The following HCRTR2 variants were observed in gnomAD, a reference collection of about 807,000 sequenced individuals.
HCRTR2 encodes the protein hypocretin receptor 2, also known as orexin receptor type 2.
In HCRTR2, 22 loss-of-function variants were observed where a neutral mutation model predicts 49.0. That is an observed-to-expected ratio of 0.45 (90% CI 0.32 to 0.64). The LOEUF (loss-of-function observed/expected upper bound fraction) is 0.64. HCRTR2 is among the 30% of genes least tolerant of loss of function. The pLI is 0.04. For synonymous variants in HCRTR2, 236 were observed against 205.3 expected, an observed-to-expected ratio of 1.15 and a Z score of -1.28; for missense variants, 491 against 559.4, an observed-to-expected ratio of 0.88 and a Z score of 1.23.
intron 1 of HCRTR2, among the ~76,000 whole-genome samples, chr6:55,175,620 T>A (rs1040949922): frequency 1.3e-5 from 2 of 152,130 alleles, no homozygotes; most frequent in Middle Eastern, 3.2e-3. Flanking sequence ...CTAAGCTTAA[T>A]GCTAGGCTAT....
chr6:55,119,622 G>GTTT (rs149004546), intron 1 of HCRTR2, among the ~76,000 whole-genome samples: 2 of 140,232 alleles, frequency 1.4e-5, no homozygotes, highest in Non-Finnish European at 3.1e-5. Context: ...CATTTTTGAT[G>GTTT]TTTTTTTTTT....
intron 1 of HCRTR2, among the ~76,000 whole-genome samples, chr6:55,213,324 T>C (rs1040803347): frequency 2.0e-5 from 3 of 152,170 alleles, no homozygotes; most frequent in Admixed American, 2.0e-4. Context: ...ATTATCAACA[T>C]ATAAAACAAA....
At chr6:55,204,717 G>A (rs912625789) in intron 1 of HCRTR2, among the ~76,000 whole-genome samples, 1 of 152,114 alleles carries the variant, frequency 6.6e-6, no homozygotes, top group African/African-American at 2.4e-5. Context: ...TAAGCAAGTG[G>A]AAACTTAGAT....
At chr6:55,220,679 A>T (rs748352854) in intron 1 of HCRTR2, among the ~76,000 whole-genome samples, 1 of 152,152 alleles carries the variant, frequency 6.6e-6, no homozygotes, top group Non-Finnish European at 1.5e-5. Flanking sequence ...GCCATTTCTC[A>T]TCAACGTATT....
rs548118284 is a variant in HCRTR2, at chr6:55,262,726, A to T, written c.647-981A>T. On this transcript the variant is annotated intron_variant, in intron 3 of 6. Coordinates refer to ENST00000370862, the MANE Select transcript of HCRTR2 (RefSeq NM_001384272.1). ...AATTTATTTATGTATTTATGTACATATATAAGGTAGGGAATATATATATAT... is the reference window on the plus strand; with the variant it reads ...AATTTATTTATGTATTTATGTACATTTATAAGGTAGGGAATATATATATAT... 7.4e-5 allele frequency among the ~76,000 whole-genome samples: 10 copies of T among 134,578 alleles called. No individual in the cohort carries two copies. The South Asian group carries it at 2.2e-3, about 30-fold the overall frequency. 88.3% of individuals were successfully genotyped at this position (134,578 alleles called of 152,430 possible). A position where few individuals can be genotyped will look rare whatever the true frequency, so the allele number is the denominator to read the frequency against.
chr6:55,252,851 A>G (rs1420905355), intron 2 of HCRTR2, among the ~76,000 whole-genome samples: 2 of 152,122 alleles, frequency 1.3e-5, no homozygotes, highest in African/African-American at 2.4e-5. Context: ...AGAATGAAAG[A>G]TAAAACTAAT....
intron 1 of HCRTR2, among the ~76,000 whole-genome samples, chr6:55,166,162 C>G (rs973247626): frequency 9.9e-5 from 15 of 152,146 alleles, no homozygotes; most frequent in Admixed American, 3.3e-4. Flanking sequence ...TCCTTCCACC[C>G]CTGGGATAAA....
At chr6:55,202,497 A>G (rs911961396) in intron 1 of HCRTR2, among the ~76,000 whole-genome samples, 3 of 152,200 alleles carry the variant, frequency 2.0e-5, no homozygotes, top group Non-Finnish European at 4.4e-5. Flanking sequence ...TAGGTGGCTG[A>G]TGAACAACAG....
At chr6:55,158,481 C>A (rs1266155264) in intron 1 of HCRTR2, among the ~76,000 whole-genome samples, 3 of 152,136 alleles carry the variant, frequency 2.0e-5, no homozygotes, top group African/African-American at 7.2e-5. Context: ...GGAAAGGGAG[C>A]TGAAGCCAGG....
chr6:55,227,197 G>T (rs1322316648), intron 1 of HCRTR2, among the ~76,000 whole-genome samples: 1 of 151,964 alleles, frequency 6.6e-6, no homozygotes, highest in Non-Finnish European at 1.5e-5. Flanking sequence ...CCAAAATTAT[G>T]CATTATGTTA....
intron 1 of HCRTR2, among the ~76,000 whole-genome samples, chr6:55,121,038 G>A (rs1238622278): frequency 1.3e-5 from 2 of 151,948 alleles, no homozygotes; most frequent in African/African-American, 4.8e-5. Flanking sequence ...TGATGCGGAT[G>A]GCATTGAATC....
intron 1 of HCRTR2, among the ~76,000 whole-genome samples, chr6:55,140,164 T>A (rs1343128355): frequency 6.6e-6 from 1 of 152,152 alleles, no homozygotes; most frequent in Non-Finnish European, 1.5e-5. Context: ...TCTGACCCTT[T>A]TTTTAGTGAA....
intron 3 of HCRTR2, 56 bp from the exon 4 acceptor site, chr6:55,263,651 T>G: frequency 1.1e-6 from 1 of 905,306 alleles, no homozygotes; most frequent in Non-Finnish European, 1.8e-6. Context: ...CATGTATCTT[T>G]TTTAAAAGTC....
At position 55,277,607 on chromosome 6, in the gene HCRTR2, C is replaced by T; in HGVS notation, c.983+7C>T. On this transcript the variant is annotated splice_region_variant and intron_variant, in intron 5 of 6. Coordinates refer to ENST00000370862, the MANE Select transcript of HCRTR2 (RefSeq NM_001384272.1). ...TCCTCAATGTGCTAAAGAGGTAAAA[C>T]TTATCTGTTATTTGAAAATGAAATA... 6.3e-7 allele frequency: 1 copy of T among 1,581,658 alleles called. No individual in the cohort carries two copies. Among genetic ancestry groups the T allele is most frequent in the Non-Finnish European group, 8.7e-7 (1 of 1,151,070 alleles).
intron 1 of HCRTR2, among the ~76,000 whole-genome samples, chr6:55,127,537 A>G (rs1764298558): frequency 6.6e-6 from 1 of 152,156 alleles, no homozygotes; most frequent in African/African-American, 2.4e-5. Flanking sequence ...AATCTTTCTT[A>G]AAAGCCTCTC....
intron 1 of HCRTR2, among the ~76,000 whole-genome samples, chr6:55,246,351 G>A (rs970051224): frequency 2.0e-5 from 3 of 151,932 alleles, no homozygotes; most frequent in African/African-American, 4.8e-5. Context: ...AAGCAGAAAC[G>A]AAGGGAAAAC....
At chr6:55,222,975 A>G (rs944395873) in intron 1 of HCRTR2, among the ~76,000 whole-genome samples, 2 of 152,232 alleles carry the variant, frequency 1.3e-5, no homozygotes, top group East Asian at 1.9e-4. Context: ...GAATTTGCCA[A>G]ATGGAATTAT....
chr6:55,185,344 C>T (rs1765199207), intron 1 of HCRTR2, among the ~76,000 whole-genome samples: 1 of 152,106 alleles, frequency 6.6e-6, no homozygotes, highest in Non-Finnish European at 1.5e-5. Context: ...GATGGTGACT[C>T]AGAGATTCCT....
chr6:55,138,433 C>T (rs1764460682), intron 1 of HCRTR2, among the ~76,000 whole-genome samples: 1 of 152,180 alleles, frequency 6.6e-6, no homozygotes, highest in South Asian at 2.1e-4. Flanking sequence ...AATGAAGACA[C>T]TATTAGTTCC....
Sources: gnomAD v4.1 joint callset for allele counts (sites outside exome capture counted in the v4.1 genomes callset) on GRCh38, gnomAD v4.1.1 for gene constraint, MANE v1.5 for transcripts, NCBI Gene and HGNC (gene_info 2026-07-23, HGNC 2026-07-21) for gene names.